Variants in OGFOD2 observed in about 807,000 individuals in gnomAD.
OGFOD2 encodes the protein 2-oxoglutarate and iron dependent oxygenase domain containing 2, also known as 2-oxoglutarate and iron-dependent oxygenase domain-containing protein 2.
OGFOD2 carries 34 observed loss-of-function variants against 31.1 expected under a neutral mutation model. The observed-to-expected ratio is 1.09, with a 90% CI of 0.83 to 1.45. The LOEUF is 1.45. OGFOD2 is among the 40% of genes most tolerant of loss of function. OGFOD2 has a pLI of 0.00. For missense variants in OGFOD2, 537 were observed against 433.9 expected, an observed-to-expected ratio of 1.24 and a Z score of -2.11; for synonymous variants, 240 against 192.3, an observed-to-expected ratio of 1.25 and a Z score of -2.05.
chr12:122,975,377 C>T (rs2037384537), exon 1 of OGFOD2: 1 of 699,310 alleles, frequency 1.4e-6, no homozygotes, highest in Non-Finnish European at 2.6e-6. Context: ...GCCGGGACTA[C>T]GGCCCGGTGA....
intron 1 of OGFOD2, 109 bp downstream of exon 1, chr12:122,975,492 C>A: frequency 1.7e-6 from 1 of 595,376 alleles, no homozygotes; most frequent in South Asian, 1.9e-5. Context: ...ACCGTATCTT[C>A]AAATACAAGA....
chr12:122,975,425 G>C, intron 1 of OGFOD2, 42 bp downstream of exon 1: 1 of 650,508 alleles, frequency 1.5e-6, no homozygotes. Context: ...TGGGCAGAGA[G>C]GGGTAGTGGA....
upstream of OGFOD2, chr12:122,975,131 C>G: frequency 2.0e-6 from 1 of 508,438 alleles, no homozygotes; most frequent in Non-Finnish European, 3.6e-6. Flanking sequence ...GGTGCGTCTT[C>G]GTCCTTTTCC....
chr12:122,975,205 G>A (rs1263914241), upstream of OGFOD2: 2 of 562,162 alleles, frequency 3.6e-6, no homozygotes, highest in African/African-American at 3.8e-5. Context: ...TTGGGGGCGT[G>A]CCCGAAGTCT....
intron 4 of OGFOD2, chr12:122,977,232 CAT>C (rs1185826543): frequency 1.6e-5 from 8 of 492,360 alleles, no homozygotes; most frequent in African/African-American, 3.9e-5. Flanking sequence ...ATATTTGTGT[CAT>C]GTGTGGGACA....
exon 1 of OGFOD2, chr12:122,975,292 C>CCTGCTT (rs2037380256): frequency 1.4e-6 from 1 of 695,620 alleles, no homozygotes; most frequent in African/African-American, 1.8e-5. Context: ...TGCCGCTGCG[C>CCTGCTT]CTGCTTCTGC....
intron 4 of OGFOD2, 112 bp downstream of exon 4, chr12:122,977,082 C>T: frequency 1.0e-6 from 1 of 1,003,416 alleles, no homozygotes; most frequent in Non-Finnish European, 1.5e-6. Context: ...AAAACCAAAC[C>T]AGCAGGAGCT....
chr12:122,979,406 G>T, exon 7 of OGFOD2: 2 of 1,524,860 alleles, frequency 1.3e-6, no homozygotes, highest in Non-Finnish European at 1.8e-6. Flanking sequence ...CCTTGGTCTG[G>T]GGGCAGAAAT....
At chr12:122,975,259 C>A (rs1345128992) in exon 1 of OGFOD2, 2 of 675,734 alleles carry the variant, frequency 3.0e-6, no homozygotes, top group Non-Finnish European at 5.4e-6. Flanking sequence ...ACTATGGCGA[C>A]GGTGGGGGCT....
rs368466552 is a variant in OGFOD2, at chr12:122,979,050, T to C, written c.790-33T>C. On this transcript the variant is annotated intron_variant, in intron 6 of 6. Transcript: ENST00000228922. ...CATGCGGCAGGGCCTGGGGCAGCTG[T>C]GAGTGCCCAGGCCTGAGTCGTGCCA... 10 of 1,604,040 alleles carry C rather than the reference T, an allele frequency of 6.2e-6. No individual in the cohort carries two copies. In the Admixed American group the frequency reaches 6.7e-5, roughly 11 times the overall value.
At chr12:122,977,867 C>T (rs1476447918) in intron 4 of OGFOD2, 1 of 156,150 alleles carries the variant, frequency 6.4e-6, no homozygotes, top group Non-Finnish European at 1.4e-5. Flanking sequence ...GGGGCAGGGC[C>T]TAGGCTGCGA....
rs1309346246 is a variant in OGFOD2, at chr12:122,975,870, ACC to A, written c.189+4_189+5del. The A allele has an allele frequency of 2.8e-6, 2 of 702,680 alleles. No homozygotes were observed. The highest frequency in any genetic ancestry group is 5.2e-6 in the Non-Finnish European group (2 of 384,882). The allele number at this position is 702,680 out of a possible 1,614,324, so 43.5% of individuals were successfully genotyped here. ...ACTTCCAGCAGCTGTTAGCAGAGGTACCAGTCCCCTGCCCCTGCACAGCTCCT... is the reference window on the plus strand; with the variant it reads ...ACTTCCAGCAGCTGTTAGCAGAGGTAAGTCCCCTGCCCCTGCACAGCTCCT... On this transcript the variant is annotated splice_donor_5th_base_variant and intron_variant, in intron 2 of 6. Coordinates refer to ENST00000228922, the Ensembl canonical transcript of OGFOD2.
At chr12:122,976,761 A>T (rs773930881) in exon 3 of OGFOD2, 1 of 1,611,788 alleles carries the variant, frequency 6.2e-7, no homozygotes, top group East Asian at 2.2e-5. Context: ...TCTACGACTC[A>T]CTGCAGGTAC....
exon 7 of OGFOD2, chr12:122,979,182 A>T (rs2037537825): frequency 6.2e-7 from 1 of 1,611,754 alleles, no homozygotes; most frequent in Admixed American, 1.7e-5. Context: ...GCCCTTGGGC[A>T]CTGGTGAGCG....
intron 4 of OGFOD2, 105 bp from the exon 5 acceptor site, chr12:122,978,337 A>G: frequency 7.0e-7 from 1 of 1,426,076 alleles, no homozygotes; most frequent in Non-Finnish European, 9.6e-7. Context: ...CTGAAAAGCA[A>G]AGGCCTCATC....
chr12:122,979,022 A>T lies in OGFOD2; in HGVS notation c.789+12A>T. The T allele has an allele frequency of 6.2e-7, 1 of 1,610,124 alleles. No homozygotes were observed. Among genetic ancestry groups the T allele is most frequent in the South Asian group, 1.1e-5 (1 of 91,018 alleles). On this transcript the variant is annotated intron_variant, in intron 6 of 6. Coordinates refer to ENST00000228922, the Ensembl canonical transcript of OGFOD2. Reference sequence around the variant, plus strand: ...GGGGCCTCTTCCAGGTGAGTGTGTGACCCATGCGGCAGGGCCTGGGGCAGC... The same window carrying T: ...GGGGCCTCTTCCAGGTGAGTGTGTGTCCCATGCGGCAGGGCCTGGGGCAGC...
At chr12:122,979,038 C>T (rs776767846) in intron 6 of OGFOD2, 28 bp downstream of exon 6, 3 of 1,605,786 alleles carry the variant, frequency 1.9e-6, no homozygotes, top group Non-Finnish European at 2.6e-6. Flanking sequence ...GCGGCAGGGC[C>T]TGGGGCAGCT....
In OGFOD2 at chr12:122,979,266, G is replaced by A. The variant is rs376587651; in HGVS notation, c.973G>A (p.Asp325Asn). The change falls in exon 7 of 7, where the codon GAC (aspartate) becomes AAC (asparagine). Residue 325 changes from aspartate to asparagine, a missense_variant. Asp to Asn is a conservative substitution (Grantham distance 23). Transcript: ENST00000228922. ...CTGTCCCATGTGCTGCCGTGAGCCCGACCTGGTGGACGATGAGGGCTTCGG... is the reference window on the plus strand; with the variant it reads ...CTGTCCCATGTGCTGCCGTGAGCCCAACCTGGTGGACGATGAGGGCTTCGG... The A allele has an allele frequency of 2.5e-6, 4 of 1,612,954 alleles. No individual in the cohort carries two copies. The highest frequency in any genetic ancestry group is 3.3e-5 in the Admixed American group (2 of 60,020).
chr12:122,976,573 C>A, intron 2 of OGFOD2, 81 bp from the exon 3 acceptor site: 1 of 1,315,022 alleles, frequency 7.6e-7, no homozygotes, highest in Non-Finnish European at 1.1e-6. Context: ...GTCTGGCGTT[C>A]TGGGCTTCAG....
Sources: gnomAD v4.1 joint callset for allele counts on GRCh38, gnomAD v4.1.1 for gene constraint, MANE v1.5 for transcripts, NCBI Gene and HGNC (gene_info 2026-07-23, HGNC 2026-07-21) for gene names.